H3C4: variants seen among roughly 807,000 people sequenced by gnomAD.
H3C4 encodes histone H3.1.
H3C4 carries 10 observed loss-of-function variants against 8.7 expected under a neutral mutation model. The ratio of observed to expected loss-of-function variants is 1.15; its 90% CI spans 0.71 to 1.96. The LOEUF is 1.96. H3C4 is among the 30% of genes most tolerant of loss of function. H3C4 has a pLI of 0.00. For missense variants in H3C4, 216 were observed against 192.9 expected, an observed-to-expected ratio of 1.12 and a Z score of -0.71; for synonymous variants, 141 against 80.1, an observed-to-expected ratio of 1.76 and a Z score of -4.06.
At chr6:26,197,300 T>C (rs1244779214), upstream of H3C4, 1 of 1,577,248 alleles carries the variant, frequency 6.3e-7, no homozygotes, top group Non-Finnish European at 8.6e-7. Flanking sequence ...AGTCTAGCCT[T>C]TCGTACCCGT....
At chr6:26,199,217 TC>T (rs1748255983), upstream of H3C4, 3 of 1,606,540 alleles carry the variant, frequency 1.9e-6, no homozygotes, top group Non-Finnish European at 2.5e-6. Flanking sequence ...CTCGGGCCTT[TC>T]CGCCTTGCTT....
chr6:26,199,182 C>T (rs1414713207), upstream of H3C4: 2 of 1,613,922 alleles, frequency 1.2e-6, no homozygotes, highest in Non-Finnish European at 1.7e-6. Flanking sequence ...GAGTCCGGCC[C>T]GCGAAGAGCG....
upstream of H3C4, among the ~76,000 whole-genome samples, chr6:26,198,683 G>A (rs1019710491): frequency 6.6e-6 from 1 of 152,118 alleles, no homozygotes; most frequent in Non-Finnish European, 1.5e-5. Context: ...TTAGTTTCAC[G>A]ATTCAGTGTT....
chr6:26,197,596 G>A (rs528913936), upstream of H3C4, among the ~76,000 whole-genome samples: 17 of 152,022 alleles, frequency 1.1e-4, no homozygotes, highest in Admixed American at 2.6e-4. Flanking sequence ...AACTGGCTTT[G>A]ATCAACGTTT....
chr6:26,199,255 A>G, upstream of H3C4: 1 of 1,591,798 alleles, frequency 6.3e-7, no homozygotes, highest in Non-Finnish European at 8.5e-7. Context: ...TTGAATTCTT[A>G]AAAACGATGT....
chr6:26,197,610 A>G (rs1024849728), upstream of H3C4, among the ~76,000 whole-genome samples: 1 of 152,120 alleles, frequency 6.6e-6, no homozygotes, highest in Non-Finnish European at 1.5e-5. Context: ...AACGTTTTAA[A>G]AAGACGCGCG....
chr6:26,199,048 G>T, upstream of H3C4: 3 of 1,614,222 alleles, frequency 1.9e-6, no homozygotes, highest in Non-Finnish European at 2.5e-6. Flanking sequence ...TTGCCCGCCA[G>T]CTCCAGGATC....
chr6:26,199,093 A>G (rs1236468508), upstream of H3C4: 4 of 1,614,030 alleles, frequency 2.5e-6, no homozygotes, highest in Non-Finnish European at 3.4e-6. Flanking sequence ...GCCGCCAGAT[A>G]CACTGGCGCG....
upstream of H3C4, among the ~76,000 whole-genome samples, chr6:26,198,682 C>A (rs946691848): frequency 6.6e-6 from 1 of 152,040 alleles, no homozygotes. Context: ...GTTAGTTTCA[C>A]GATTCAGTGT....
chr6:26,197,375 A>G, upstream of H3C4: 1 of 906,094 alleles, frequency 1.1e-6, no homozygotes, highest in South Asian at 1.7e-5. Flanking sequence ...CGATTGGTGG[A>G]GACGCCCACT....
chr6:26,198,962 T>A (rs763007218), upstream of H3C4: 11 of 1,614,238 alleles, frequency 6.8e-6, no homozygotes, highest in East Asian at 2.2e-4. Context: ...GCAACTTGTT[T>A]AGCTCCTCGT....
At position 26,197,286 on chromosome 6, in the gene H3C4, C is replaced by T. The variant is rs1764996558; in HGVS notation, c.-36G>A. 3 of 1,589,116 alleles carry T rather than the reference C, an allele frequency of 1.9e-6. No homozygotes were observed. The highest frequency in any genetic ancestry group is 1.4e-5 in the African/African-American group (1 of 73,142). ...TAAACCCTGCTAAATGACGAAAAAA[C>T]GAAAGTCTAGCCTTTCGTACCCGTA... On this transcript the variant is annotated 5_prime_UTR_variant, in exon 1 of 1. Coordinates refer to ENST00000356476, the MANE Select transcript of H3C4 (RefSeq NM_001376937.1).
chr6:26,196,990 G>A lies in H3C4; in HGVS notation c.261C>T (p.Ser87=), dbSNP rs201284600. 12 of 1,614,228 alleles carry A rather than the reference G, an allele frequency of 7.4e-6. No individual in the cohort carries two copies. The highest frequency in any genetic ancestry group is 2.2e-5 in the East Asian group (1 of 44,892). The part of the protein sequence containing the change: ...QDFKTDLRFQ[S]SAVMALQEAC... ...CCTCCTGCAGCGCCATCACCGCCGA[G>A]CTCTGAAAACGCAGATCAGTCTTGA... Residue 87 remains serine (S), a synonymous_variant, in exon 1 of 1, where the codon AGC becomes AGT. Transcript: ENST00000356476.
At chr6:26,197,749 T>TAA (rs1765011087), upstream of H3C4, among the ~76,000 whole-genome samples, 1 of 152,158 alleles carries the variant, frequency 6.6e-6, no homozygotes. Context: ...CCATGACTAT[T>TAA]AACTCATAAG....
chr6:26,197,288 A>G (rs747141116), upstream of H3C4: 13 of 1,588,840 alleles, frequency 8.2e-6, no homozygotes, highest in South Asian at 2.3e-5. Context: ...CGAAAAAACG[A>G]AAGTCTAGCC....
upstream of H3C4, chr6:26,198,736 G>A (rs1003050974): frequency 1.9e-5 from 20 of 1,036,192 alleles, no homozygotes; most frequent in Non-Finnish European, 2.7e-5. Context: ...AAAGAAAACT[G>A]CAAAATAGCT....
upstream of H3C4, chr6:26,199,065 GTCAGGTACTCCAACACC>G: frequency 6.2e-7 from 1 of 1,614,210 alleles, no homozygotes; most frequent in East Asian, 2.2e-5. Flanking sequence ...GATCTCGGCG[GTCAGGTACTCCAACACC>G]GCCGCCAGAT....
upstream of H3C4, chr6:26,198,853 A>G (rs772797188): frequency 1.9e-5 from 30 of 1,611,766 alleles, no homozygotes; most frequent in Non-Finnish European, 2.4e-5. Flanking sequence ...TTCTCGTTTT[A>G]CTTGCCCTTG....
upstream of H3C4, chr6:26,199,272 A>G (rs1041165756): frequency 1.9e-6 from 3 of 1,580,660 alleles, no homozygotes; most frequent in Non-Finnish European, 8.5e-7. Context: ...ATGTTAAGCA[A>G]TGAAGACAAA....
Sources: gnomAD v4.1 joint callset for allele counts (sites outside exome capture counted in the v4.1 genomes callset) on GRCh38, gnomAD v4.1.1 for gene constraint, MANE v1.5 for transcripts, NCBI Gene and HGNC (gene_info 2026-07-23, HGNC 2026-07-21) for gene names.